The following PCNX2 variants were observed in gnomAD, a reference collection of about 807,000 sequenced individuals.
PCNX2 encodes the protein pecanex-like protein 2.
A neutral mutation model predicts 223.8 loss-of-function variants in PCNX2; 168 were observed. The ratio of observed to expected loss-of-function variants is 0.75; its 90% CI spans 0.66 to 0.85. The LOEUF is 0.85. Ranked by LOEUF, PCNX2 falls within the 40% of genes least tolerant of loss-of-function variation. The pLI is 0.00. For synonymous variants in PCNX2, 1,006 were observed against 1,052.6 expected, an observed-to-expected ratio of 0.96 and a Z score of 0.86; for missense variants, 2,507 against 2,675.5, an observed-to-expected ratio of 0.94 and a Z score of 1.39.
intron 26 of PCNX2, among the ~76,000 whole-genome samples, chr1:233,024,164 C>T (rs575373590): frequency 5.6e-4 from 85 of 152,324 alleles, no homozygotes; most frequent in Non-Finnish European, 8.8e-4. Flanking sequence ...ATCCTCCTGC[C>T]TTGGCCTCCC....
chr1:233,236,936 T>G lies in PCNX2; in HGVS notation c.2267A>C (p.Gln756Pro). ...SSSSTTTSES[Q>P]DPSSGDPAVS... is the part of the protein sequence containing the mutation. ...GGCAGGGTCCCCAGAAGACGGATCT[T>G]GACTCTCAGAAGTTGTGGTACTGGA... is the stretch of plus-strand genomic sequence containing the variant. The change falls in exon 9 of 34, where the codon CAA becomes CCA. Residue 756 changes from glutamine to proline, a missense_variant. Physicochemically the swap from Gln to Pro is moderately conservative, Grantham distance 76. Transcript: ENST00000258229. The G allele has an allele frequency of 6.2e-7, 1 of 1,613,992 alleles. No individual in the cohort carries two copies. Among genetic ancestry groups the G allele is most frequent in the Non-Finnish European group, 8.5e-7 (1 of 1,179,856 alleles).
chr1:233,015,574 C>G (rs2102817897), intron 27 of PCNX2, among the ~76,000 whole-genome samples: 1 of 152,176 alleles, frequency 6.6e-6, no homozygotes, highest in South Asian at 2.1e-4. Context: ...TGGTGTGCAC[C>G]TCCAGCTACC....
At chr1:233,175,795 C>T (rs186305410) in intron 17 of PCNX2, among the ~76,000 whole-genome samples, 30 of 152,228 alleles carry the variant, frequency 2.0e-4, no homozygotes, top group African/African-American at 7.2e-4. Context: ...ATGAACTATG[C>T]CCTTACTCAT....
At chr1:233,133,367 A>C (rs1338927372) in intron 21 of PCNX2, among the ~76,000 whole-genome samples, 1 of 152,226 alleles carries the variant, frequency 6.6e-6, no homozygotes, top group Non-Finnish European at 1.5e-5. Flanking sequence ...TGTGATTTGA[A>C]CAGTAGAAAA....
At chr1:233,096,587 C>A (rs1201401053) in intron 21 of PCNX2, among the ~76,000 whole-genome samples, 1 of 152,078 alleles carries the variant, frequency 6.6e-6, no homozygotes, top group Non-Finnish European at 1.5e-5. Flanking sequence ...CTTCTAGATG[C>A]GGTCAGTCAG....
upstream of PCNX2, among the ~76,000 whole-genome samples, chr1:233,299,066 C>T (rs1662218539): frequency 6.6e-6 from 1 of 152,118 alleles, no homozygotes; most frequent in Non-Finnish European, 1.5e-5. Flanking sequence ...TGCCCATAGG[C>T]CCTCAGCATG....
At chr1:233,198,629 C>T (rs1278226099) in intron 15 of PCNX2, among the ~76,000 whole-genome samples, 1 of 152,136 alleles carries the variant, frequency 6.6e-6, no homozygotes, top group African/African-American at 2.4e-5. Flanking sequence ...GAAGTGAAGG[C>T]AGACACATGG....
Position 233,269,871 on chromosome 1 carries a change from C to G in PCNX2, c.154-6708G>C, listed in dbSNP as rs561065709. Among the ~76,000 whole-genome samples the G allele has an allele frequency of 6.6e-5, 10 of 152,278 alleles. No individual in the cohort carries two copies. In the South Asian group the frequency reaches 2.1e-3, roughly 32 times the overall value. ...ATGCCATCCGTGGGCTTTAGAACCT[C>G]CTACTCAAGCTGCTGGAAGACTGAC... On this transcript the variant is annotated intron_variant, in intron 1 of 33. Coordinates refer to ENST00000258229, the MANE Select transcript of PCNX2 (RefSeq NM_014801.4).
At chr1:233,268,548 C>T (rs1660468577) in intron 1 of PCNX2, among the ~76,000 whole-genome samples, 1 of 152,174 alleles carries the variant, frequency 6.6e-6, no homozygotes, top group South Asian at 2.1e-4. Context: ...ATTCATTCTG[C>T]ACATGAAGAA....
intron 21 of PCNX2, among the ~76,000 whole-genome samples, chr1:233,131,744 A>G (rs1676517379): frequency 6.6e-6 from 1 of 151,556 alleles, no homozygotes; most frequent in African/African-American, 2.4e-5. Flanking sequence ...TTTTTTTTTG[A>G]CACTTAGCCA....
At chr1:233,261,920 C>T in intron 3 of PCNX2, 125 bp downstream of exon 3, 1 of 1,424,122 alleles carries the variant, frequency 7.0e-7, no homozygotes, top group Non-Finnish European at 9.7e-7. Context: ...TGTGATATTC[C>T]ACTGTACACG....
In PCNX2 at chr1:233,062,000, C is replaced by T. The variant is rs532754932; in HGVS notation, c.4077-4710G>A. Among the ~76,000 whole-genome samples, 33 of 152,258 alleles carry T rather than the reference C, an allele frequency of 2.2e-4. 1 individual carries two copies. In the South Asian group the frequency reaches 6.9e-3, roughly 32 times the overall value. Reference sequence around the variant, plus strand: ...TCTCAAACTCCTGACCTCAGGTGATCCACCTGCCTCGGCCTCCCAAAGTGC... The same window carrying T: ...TCTCAAACTCCTGACCTCAGGTGATTCACCTGCCTCGGCCTCCCAAAGTGC... On this transcript the variant is annotated intron_variant, in intron 23 of 33. Coordinates refer to ENST00000258229, the MANE Select transcript of PCNX2 (RefSeq NM_014801.4).
At chr1:233,240,297 G>A (rs1422839104) in intron 8 of PCNX2, among the ~76,000 whole-genome samples, 1 of 152,156 alleles carries the variant, frequency 6.6e-6, no homozygotes, top group Non-Finnish European at 1.5e-5. Flanking sequence ...TATGTTCTTT[G>A]CTAGCGTCTC....
At chr1:233,127,799 C>A (rs1676187847) in intron 21 of PCNX2, among the ~76,000 whole-genome samples, 1 of 152,214 alleles carries the variant, frequency 6.6e-6, no homozygotes, top group South Asian at 2.1e-4. Context: ...TCCTGGCCCA[C>A]AGAAAGTACC....
chr1:233,101,544 A>G lies in PCNX2; in HGVS notation c.3838-5681T>C, dbSNP rs376617430. Among the ~76,000 whole-genome samples the G allele has an allele frequency of 1.2e-4, 18 of 152,346 alleles. No individual in the cohort carries two copies. The East Asian group carries it at 1.7e-3, about 15-fold the overall frequency. On this transcript the variant is annotated intron_variant, in intron 21 of 33. Coordinates refer to ENST00000258229, the MANE Select transcript of PCNX2 (RefSeq NM_014801.4). ...TAAATAGCATCCATCAGACTTTGCA[A>G]AATATTGATAGGCTTCATGGAGCAT...
chr1:233,095,984 T>C, intron 21 of PCNX2, 121 bp from the exon 22 acceptor site: 1 of 663,594 alleles, frequency 1.5e-6, no homozygotes. Flanking sequence ...CTCTCTGCCC[T>C]CTTACTGTGA....
chr1:233,285,490 A>G (rs1290283953), intron 1 of PCNX2, among the ~76,000 whole-genome samples: 5 of 151,804 alleles, frequency 3.3e-5, no homozygotes, highest in African/African-American at 9.7e-5. Context: ...CCTGGCCAAT[A>G]TGGTGAAACC....
chr1:233,052,530 A>G (rs1316079606), intron 25 of PCNX2, among the ~76,000 whole-genome samples: 1 of 151,910 alleles, frequency 6.6e-6, no homozygotes, highest in Non-Finnish European at 1.5e-5. Context: ...GCTGACCCAG[A>G]CTCCAACCTG....
intron 9 of PCNX2, among the ~76,000 whole-genome samples, chr1:233,229,992 C>T (rs986690898): frequency 6.6e-6 from 1 of 152,098 alleles, no homozygotes; most frequent in Non-Finnish European, 1.5e-5. Context: ...AAATATTTCT[C>T]ATCATTTTAA....
Sources: allele counts gnomAD v4.1 joint callset (sites outside exome capture counted in the v4.1 genomes callset), GRCh38; gene constraint gnomAD v4.1.1; transcripts MANE v1.5; gene names NCBI Gene and HGNC (gene_info 2026-07-23, HGNC 2026-07-21).